The following EYA1 variants were observed in gnomAD, a reference collection of about 807,000 sequenced individuals.
EYA1 encodes protein phosphatase EYA1.
A neutral mutation model predicts 82.0 loss-of-function variants in EYA1; 16 were observed. That is an observed-to-expected ratio of 0.20 (90% CI 0.13 to 0.30). The LOEUF (loss-of-function observed/expected upper bound fraction) is 0.30. Among genes scored for constraint, EYA1 ranks in the 10% least tolerant of loss-of-function variants. The pLI, the probability that EYA1 is intolerant of heterozygous loss-of-function variation, is 1.00. For missense variants in EYA1, 633 were observed against 730.7 expected, an observed-to-expected ratio of 0.87 and a Z score of 1.54; for synonymous variants, 261 against 264.4, an observed-to-expected ratio of 0.99 and a Z score of 0.12.
chr8:71,294,786 T>C (rs774035301), intron 9 of EYA1, among the ~76,000 whole-genome samples: 1 of 152,092 alleles, frequency 6.6e-6, no homozygotes, highest in Non-Finnish European at 1.5e-5. Flanking sequence ...GCCAACACAA[T>C]GCTGAAGGAG....
At chr8:71,508,131 G>T (rs1180375062) in intron 2 of EYA1, among the ~76,000 whole-genome samples, 1 of 152,100 alleles carries the variant, frequency 6.6e-6, no homozygotes, top group African/African-American at 2.4e-5. Flanking sequence ...TTGTCCTTGT[G>T]CTTCTGCACT....
intron 2 of EYA1, among the ~76,000 whole-genome samples, chr8:71,401,748 C>T (rs931073475): frequency 2.0e-5 from 3 of 152,180 alleles, no homozygotes; most frequent in African/African-American, 4.8e-5. Context: ...TTAGAAGCTC[C>T]GCTTGGCATT....
chr8:71,510,115 A>G (rs1306513145), intron 2 of EYA1, among the ~76,000 whole-genome samples: 1 of 152,054 alleles, frequency 6.6e-6, no homozygotes. Flanking sequence ...ACTTTGGCCA[A>G]TGAAATTTTA....
chr8:71,346,898 G>A (rs1317761398), intron 3 of EYA1, among the ~76,000 whole-genome samples: 1 of 152,168 alleles, frequency 6.6e-6, no homozygotes, highest in African/African-American at 2.4e-5. Flanking sequence ...TTAGTAACAT[G>A]AGGCATTTAT....
intron 2 of EYA1, among the ~76,000 whole-genome samples, chr8:71,422,873 T>C (rs1831220113): frequency 6.6e-6 from 1 of 152,266 alleles, no homozygotes; most frequent in Non-Finnish European, 1.5e-5. Context: ...GATTATGGGA[T>C]CAACAATTCA....
At chr8:71,524,560 G>A (rs2129274928) in intron 2 of EYA1, among the ~76,000 whole-genome samples, 1 of 152,162 alleles carries the variant, frequency 6.6e-6, no homozygotes, top group East Asian at 1.9e-4. Context: ...AAATACAACA[G>A]CCTCATTAAA....
At chr8:71,317,769 C>T (rs190940879) in intron 6 of EYA1, 80 bp from the exon 7 acceptor site, 22 of 1,317,448 alleles carry the variant, frequency 1.7e-5, no homozygotes, top group African/African-American at 1.6e-4. Context: ...CTTCCACAAC[C>T]GTTTAACTAC....
chr8:71,508,086 T>A (rs1812324709), intron 2 of EYA1, among the ~76,000 whole-genome samples: 1 of 152,192 alleles, frequency 6.6e-6, no homozygotes, highest in Non-Finnish European at 1.5e-5. Flanking sequence ...TACATAGTAA[T>A]GCCACTCACT....
chr8:71,332,677 C>T (rs1032709812), intron 4 of EYA1, among the ~76,000 whole-genome samples: 1 of 152,108 alleles, frequency 6.6e-6, no homozygotes, highest in East Asian at 1.9e-4. Context: ...TATGACCATG[C>T]GACCCCTTTC....
intron 2 of EYA1, among the ~76,000 whole-genome samples, chr8:71,498,517 A>G (rs1811585668): frequency 6.6e-6 from 1 of 152,160 alleles, no homozygotes; most frequent in Admixed American, 6.5e-5. Context: ...GAAGTGGTAA[A>G]TAAAAGAGGA....
chr8:71,348,457 GGA>G (rs1308834538), intron 3 of EYA1, among the ~76,000 whole-genome samples: 13 of 152,236 alleles, frequency 8.5e-5, no homozygotes, highest in African/African-American at 3.1e-4. Context: ...CCCAACCAGC[GGA>G]GAGATGCCAC....
upstream of EYA1, chr8:71,362,237 G>T (rs1827471017): frequency 3.2e-6 from 3 of 943,688 alleles, no homozygotes; most frequent in Non-Finnish European, 2.4e-6. Flanking sequence ...TGGTTTAAAT[G>T]CAACAATTGA....
Position 71,217,271 on chromosome 8 carries a change from G to C in EYA1, c.1141-248C>G, listed in dbSNP as rs547575377. ...TTCAGAAAACACATTTTTGTGTTTA[G>C]AAAGGAAAGTGATTGAAAACAATTA... On this transcript the variant is annotated intron_variant, in intron 12 of 17. Transcript: ENST00000340726. Among the ~76,000 whole-genome samples, 50 of 152,274 alleles carry C rather than the reference G, an allele frequency of 3.3e-4. No individual in the cohort carries two copies. In the South Asian group the frequency reaches 9.3e-3, roughly 28 times the overall value.
At chr8:71,456,656 G>T (rs1199086958) in intron 2 of EYA1, among the ~76,000 whole-genome samples, 1 of 151,976 alleles carries the variant, frequency 6.6e-6, no homozygotes, top group South Asian at 2.1e-4. Context: ...ACAAGAAATG[G>T]GGAAAGGATT....
chr8:71,400,920 A>T (rs1829921888), intron 2 of EYA1, among the ~76,000 whole-genome samples: 1 of 152,234 alleles, frequency 6.6e-6, no homozygotes, highest in African/African-American at 2.4e-5. Flanking sequence ...GATAAAGGAA[A>T]TGTGGTACGT....
At chr8:71,353,960 G>A (rs1268781231) in intron 3 of EYA1, among the ~76,000 whole-genome samples, 1 of 152,020 alleles carries the variant, frequency 6.6e-6, no homozygotes, top group Non-Finnish European at 1.5e-5. Flanking sequence ...CAATAGACTA[G>A]AGTAGAAATA....
chr8:71,332,335 G>T (rs935489240), intron 4 of EYA1, among the ~76,000 whole-genome samples: 22 of 152,114 alleles, frequency 1.4e-4, no homozygotes, highest in African/African-American at 5.1e-4. Flanking sequence ...CTTGGCATCT[G>T]CAGGTAGATG....
At chr8:71,373,821 C>T (rs1209081383) in intron 2 of EYA1, among the ~76,000 whole-genome samples, 3 of 151,996 alleles carry the variant, frequency 2.0e-5, no homozygotes, top group Admixed American at 1.3e-4. Flanking sequence ...ATAAAGAGTC[C>T]AGAAATAAAC....
chr8:71,268,684 C>T (rs1237002644), intron 11 of EYA1, among the ~76,000 whole-genome samples: 1 of 152,112 alleles, frequency 6.6e-6, no homozygotes, highest in African/African-American at 2.4e-5. Context: ...ATTATTGCTT[C>T]AGCCTATTTT....
Sources: gnomAD v4.1 joint callset for allele counts (sites outside exome capture counted in the v4.1 genomes callset) on GRCh38, gnomAD v4.1.1 for gene constraint, MANE v1.5 for transcripts, NCBI Gene and HGNC (gene_info 2026-07-23, HGNC 2026-07-21) for gene names.